KAZN: variants seen among roughly 807,000 people sequenced by gnomAD.
KAZN encodes kazrin, periplakin interacting protein, also known as kazrin.
KAZN carries 40 observed loss-of-function variants against 87.4 expected under a neutral mutation model. The observed-to-expected ratio is 0.46, with a 90% CI of 0.36 to 0.60. KAZN has a LOEUF of 0.60. Ranked by LOEUF, KAZN falls within the 20% of genes least tolerant of loss-of-function variation. The pLI is 0.00. For synonymous variants in KAZN, 466 were observed against 458.3 expected, an observed-to-expected ratio of 1.02 and a Z score of -0.22; for missense variants, 898 against 1,073.9, an observed-to-expected ratio of 0.84 and a Z score of 2.29.
rs183140998 is a variant in KAZN at position 14,499,474 on chromosome 1, T to C, written c.250-99509T>C. 3.8e-4 allele frequency among the ~76,000 whole-genome samples: 58 copies of C among 152,264 alleles called. No homozygotes were observed. In the East Asian group the frequency reaches 0.011, roughly 29 times the overall value. ...ACAATTGCTGTCCTGCCTTTCTTTC[T>C]GGGAGGAGCTGGCTGTGGGCGCCAG... On this transcript the variant is annotated intron_variant, in intron 2 of 16. Transcript: ENST00000636203.
intron 1 of KAZN, among the ~76,000 whole-genome samples, chr1:14,656,055 C>A (rs987338066): frequency 6.6e-6 from 1 of 152,164 alleles, no homozygotes; most frequent in Non-Finnish European, 1.5e-5. Context: ...GACCTCCATC[C>A]CCTGTATAGC....
At chr1:14,513,840 T>C (rs1160582380) in intron 2 of KAZN, among the ~76,000 whole-genome samples, 1 of 152,122 alleles carries the variant, frequency 6.6e-6, no homozygotes, top group Non-Finnish European at 1.5e-5. Context: ...TAAATGAGTT[T>C]TTCCGCATTA....
At position 14,906,185 on chromosome 1, in the gene KAZN, TAATAATAATAATAATAA is replaced by T. The variant is rs1348592576; in HGVS notation, c.227-54498_227-54482del. Among the ~76,000 whole-genome samples the T allele has an allele frequency of 5.8e-4, 13 of 22,404 alleles. No homozygotes were observed. In the East Asian group the frequency reaches 0.033, roughly 57 times the overall value. 14.7% of individuals were successfully genotyped at this position (22,404 alleles called of 152,430 possible). The stretch of plus-strand genomic sequence containing the variant: ...CATCTCAAAAAATATATTATAATAA[TAATAATAATAATAATAA>T]TAATAATAATAATAATACAGCACAT... On this transcript the variant is annotated intron_variant, in intron 1 of 14. Coordinates refer to ENST00000376030, the MANE Select transcript of KAZN (RefSeq NM_201628.3).
chr1:14,177,586 A>AT (rs970292674), intron 1 of KAZN, among the ~76,000 whole-genome samples: 10 of 151,574 alleles, frequency 6.6e-5, no homozygotes, highest in South Asian at 2.1e-4. Flanking sequence ...CGAAATGTCA[A>AT]TTTTTTTTTA....
chr1:14,149,032 AGCCTGCCTGCCT>A lies in KAZN; in HGVS notation c.92-31390_92-31379del, dbSNP rs1168671093. On this transcript the variant is annotated intron_variant, in intron 1 of 16. Transcript: ENST00000636203. ...GATCGGAGCCAGTGCTTCCACATACAGCCTGCCTGCCTGCCTGCCTGCCTTCCTGCCTTCCTT... is the reference window on the plus strand; with the variant it reads ...GATCGGAGCCAGTGCTTCCACATACAGCCTGCCTGCCTTCCTGCCTTCCTT... Among the ~76,000 whole-genome samples, 4 of 149,204 alleles carry A rather than the reference AGCCTGCCTGCCT, an allele frequency of 2.7e-5. No homozygotes were observed. In the East Asian group the frequency reaches 5.9e-4, roughly 22 times the overall value.
chr1:14,486,597 A>G (rs1669360726), intron 2 of KAZN, among the ~76,000 whole-genome samples: 1 of 152,232 alleles, frequency 6.6e-6, no homozygotes, highest in African/African-American at 2.4e-5. Context: ...CCACTTTAAT[A>G]GCCTGTACAT....
chr1:14,382,874 G>T (rs1661498664), intron 2 of KAZN, among the ~76,000 whole-genome samples: 1 of 151,960 alleles, frequency 6.6e-6, no homozygotes, highest in Non-Finnish European at 1.5e-5. Flanking sequence ...TCTAGTTCTA[G>T]ATCCCTGAGA....
At chr1:14,302,289 A>C (rs756918374) in intron 2 of KAZN, among the ~76,000 whole-genome samples, 1 of 152,240 alleles carries the variant, frequency 6.6e-6, no homozygotes, top group Non-Finnish European at 1.5e-5. Context: ...TGAAGTTGTC[A>C]CTTTTTCTCA....
chr1:14,588,417 C>G (rs1182663798), intron 2 of KAZN, among the ~76,000 whole-genome samples: 2 of 152,282 alleles, frequency 1.3e-5, no homozygotes, highest in Non-Finnish European at 2.9e-5. Flanking sequence ...ACGCTAGCAA[C>G]AAAATTATCT....
rs190874817 is a variant in KAZN, at chr1:14,631,664, G to C, written c.226+32441G>C. 1.7e-3 allele frequency among the ~76,000 whole-genome samples: 260 copies of C among 152,352 alleles called. 1 individual carries two copies. The highest frequency in any genetic ancestry group is 0.014 in the Middle Eastern group (4 of 294). ...TAGATTATGCACGTTGCAGCTTCTC[G>C]CATCACACTGCATGCTGGAGAGAGG... On this transcript the variant is annotated intron_variant, in intron 1 of 14. Transcript: ENST00000376030.
rs1305660993 is a variant in KAZN at position 14,773,339 on chromosome 1, C to T, written c.226+174116C>T. On this transcript the variant is annotated intron_variant, in intron 1 of 14. Coordinates refer to ENST00000376030, the MANE Select transcript of KAZN (RefSeq NM_201628.3). This position sits in a 1 kb window ranked among gnomAD's most constrained non-coding sequence, Gnocchi z 5.9. ...GACCACCCCCCACCCAATCCACCTC[C>T]CACCTCACCTGCCCACGATGCCATT... Among the ~76,000 whole-genome samples, 5 of 152,272 alleles carry T rather than the reference C, an allele frequency of 3.3e-5. No individual in the cohort carries two copies. The East Asian group carries it at 9.7e-4, about 29-fold the overall frequency.
intron 2 of KAZN, among the ~76,000 whole-genome samples, chr1:14,468,808 C>T (rs1668297151): frequency 6.6e-6 from 1 of 152,226 alleles, no homozygotes; most frequent in South Asian, 2.1e-4. Flanking sequence ...GCCCAGGCAT[C>T]TCTGCGGGTA....
In KAZN at chr1:14,215,803, T is replaced by C. The variant is rs113616948; in HGVS notation, c.249+35211T>C. Among the ~76,000 whole-genome samples, 76 of 152,264 alleles carry C rather than the reference T, an allele frequency of 5.0e-4. 1 individual carries two copies. Among genetic ancestry groups the C allele is most frequent in the African/African-American group, 1.8e-3 (73 of 41,552 alleles). ...TCTATGTAAACCATATTATTCTGGC[T>C]CTCTCAAGGCTTGTGCTATAGAATC... On this transcript the variant is annotated intron_variant, in intron 2 of 16. Transcript: ENST00000636203.
At chr1:14,850,658 A>G (rs1649328531) in intron 1 of KAZN, among the ~76,000 whole-genome samples, 1 of 152,140 alleles carries the variant, frequency 6.6e-6, no homozygotes, top group South Asian at 2.1e-4. Flanking sequence ...TCTTTTTTGC[A>G]GCTCCAGCAC....
intron 2 of KAZN, among the ~76,000 whole-genome samples, chr1:14,384,565 T>G (rs1354503243): frequency 6.6e-6 from 1 of 152,194 alleles, no homozygotes; most frequent in Non-Finnish European, 1.5e-5. Context: ...CTGCCTCTAT[T>G]GAGATAATCA....
At chr1:14,794,417 T>C (rs1349917798) in intron 1 of KAZN, among the ~76,000 whole-genome samples, 3 of 151,068 alleles carry the variant, frequency 2.0e-5, no homozygotes, top group African/African-American at 7.3e-5. Context: ...AGCACTGCCA[T>C]TCCAAGGCTG....
At chr1:14,617,291 C>T (rs538054082) in intron 1 of KAZN, among the ~76,000 whole-genome samples, 20 of 152,142 alleles carry the variant, frequency 1.3e-4, no homozygotes, top group African/African-American at 2.9e-4. Flanking sequence ...TTTCCCAGTG[C>T]GTATGAAACT....
chr1:14,021,369 A>C (rs1640816472), intron 1 of KAZN, among the ~76,000 whole-genome samples: 1 of 152,194 alleles, frequency 6.6e-6, no homozygotes, highest in South Asian at 2.1e-4. Flanking sequence ...CTGAGACCAT[A>C]AGCAGACCTA....
At chr1:14,596,287 T>C (rs1316320689), upstream of KAZN, among the ~76,000 whole-genome samples, 1 of 144,942 alleles carries the variant, frequency 6.9e-6, no homozygotes, top group Admixed American at 7.0e-5. Context: ...ACCAGAGGTG[T>C]GAGTGCACGC....
Sources: gnomAD v4.1 joint callset for allele counts (sites outside exome capture counted in the v4.1 genomes callset) on GRCh38, gnomAD v4.1.1 for gene constraint, Gnocchi (gnomAD v3.1) non-coding constraint, MANE v1.5 for transcripts, NCBI Gene and HGNC (gene_info 2026-07-23, HGNC 2026-07-21) for gene names.